The following JADE2 variants were observed in gnomAD, a reference collection of about 807,000 sequenced individuals.
JADE2 encodes E3 ubiquitin-protein ligase Jade-2.
In JADE2, 13 loss-of-function variants were observed where a neutral mutation model predicts 85.7. The ratio of observed to expected loss-of-function variants is 0.15; its 90% confidence interval spans 0.10 to 0.24. JADE2 has a LOEUF of 0.24. Ranked by LOEUF, JADE2 falls within the 10% of genes least tolerant of loss-of-function variation. The pLI, the probability that JADE2 is intolerant of heterozygous loss-of-function variation, is 1.00. For missense variants in JADE2, 846 were observed against 1,115.9 expected (o/e 0.76, Z 3.45); for synonymous variants, 440 against 456.1 (o/e 0.96, Z 0.45).
At chr5:134,542,742 T>A (rs1042606195) in intron 3 of JADE2, among the ~76,000 whole-genome samples, 1 of 147,932 alleles carries the variant, frequency 6.8e-6, no homozygotes, top group East Asian at 2.0e-4. Flanking sequence ...ATGCCTGGCC[T>A]TTTTTTTTGA....
chr5:134,562,416 G>T lies in JADE2; in HGVS notation c.852+49G>T. 1 of 1,551,982 alleles carries T rather than the reference G, an allele frequency of 6.4e-7. No homozygotes were observed. The highest frequency in any genetic ancestry group is 8.8e-7 in the Non-Finnish European group (1 of 1,136,630). ...AGCCCAAGGAATAGCCCGTGGGGAA[G>T]TGGGTCTGCATGGGACTCAGGTAGC... On this transcript the variant is annotated intron_variant, in intron 7 of 11. Coordinates refer to ENST00000681547, the MANE Select transcript of JADE2 (RefSeq NM_001388185.1). The surrounding 1 kb of genome is among the most constrained non-coding windows in gnomAD (Gnocchi z 4.6).
Position 134,571,706 on chromosome 5 carries a change from AAAAG to A in JADE2, c.1435-1935_1435-1932del, listed in dbSNP as rs1764034350. ...ACCGAGACCCCGTCTCGAAAGAAAA[AAAAG>A]AAAATCCAATCCTGGCTTCCCTTGG... On this transcript the variant is annotated intron_variant, in intron 9 of 11. Coordinates refer to ENST00000681547, the MANE Select transcript of JADE2 (RefSeq NM_001388185.1). Among the ~76,000 whole-genome samples, 3 of 152,086 alleles carry A rather than the reference AAAAG, an allele frequency of 2.0e-5. No individual in the cohort carries two copies. In the South Asian group the frequency reaches 6.2e-4, roughly 32 times the overall value.
At position 134,576,791 on chromosome 5, in the gene JADE2, G is replaced by T. The variant is rs1379939093; in HGVS notation, c.1576G>T (p.Gly526Cys). 1 of 1,550,508 alleles carries T rather than the reference G, an allele frequency of 6.4e-7. No homozygotes were observed. Among genetic ancestry groups the T allele is most frequent in the Admixed American group, 2.0e-5 (1 of 50,982 alleles). Reference protein sequence around the residue: ...CRERSGRRAKGKKSDSKRKGC... With the variant: ...CRERSGRRAKCKKSDSKRKGC... ...AGAGCGGTCTGGGAGGAGAGCAAAG[G>T]GCAAGAAGAGTGACTCGAAGAGGAA... The change falls in exon 11 of 12, where the codon GGC becomes TGC. Residue 526 changes from glycine (G) to cysteine (C), a missense_variant. This residue lies in a region of JADE2 where 119 missense variants were observed against 163.9 expected (regional missense o/e 0.73). Transcript: ENST00000681547.
intron 1 of JADE2, among the ~76,000 whole-genome samples, chr5:134,533,847 A>G (rs768779555): frequency 4.0e-5 from 6 of 151,004 alleles, no homozygotes; most frequent in Admixed American, 6.6e-5. Flanking sequence ...CCCTGACTCA[A>G]GCTATCCTCT....
intron 3 of JADE2, among the ~76,000 whole-genome samples, chr5:134,541,832 G>A (rs1761980791): frequency 6.6e-6 from 1 of 152,224 alleles, no homozygotes; most frequent in African/African-American, 2.4e-5. Context: ...CCCTAAGGGC[G>A]CAAGCCAAGG....
rs551576578 is a variant in JADE2 at position 134,572,529 on chromosome 5, C to T, written c.1435-1116C>T. On this transcript the variant is annotated intron_variant, in intron 9 of 11. Transcript: ENST00000681547. ...CCAGCTTAAGGACATGAAGGCTGAA[C>T]TCAGCCTTGAAGATGGAACCCAACG... 2.6e-5 allele frequency among the ~76,000 whole-genome samples: 4 copies of T among 152,366 alleles called. No individual in the cohort carries two copies. In the South Asian group the frequency reaches 8.3e-4, roughly 32 times the overall value.
intron 1 of JADE2, among the ~76,000 whole-genome samples, chr5:134,528,101 C>G (rs759381833): frequency 5.3e-5 from 8 of 152,100 alleles, no homozygotes; most frequent in Non-Finnish European, 8.8e-5. Flanking sequence ...GACCCCTGAG[C>G]TCTGATCCCA....
intron 4 of JADE2, among the ~76,000 whole-genome samples, chr5:134,557,648 G>A (rs202212924): frequency 0.17 from 15,509 of 93,882 alleles, 1,472 homozygotes; most frequent in East Asian, 0.34. Context: ...TTTTGTTCTT[G>A]CGATAGTTTA....
intron 1 of JADE2, among the ~76,000 whole-genome samples, chr5:134,528,297 G>A (rs1761006654): frequency 6.6e-6 from 1 of 152,168 alleles, no homozygotes; most frequent in Admixed American, 6.5e-5. Context: ...GCCTGGCTTT[G>A]TTTCCTGGGT....
intron 11 of JADE2, 157 bp downstream of exon 11, chr5:134,577,053 C>T (rs1764413605): frequency 1.7e-5 from 13 of 782,982 alleles, no homozygotes; most frequent in Non-Finnish European, 1.8e-5. Context: ...ACACACCTTC[C>T]ACCCACAAAG....
chr5:134,539,084 TG>T (rs974983005), intron 3 of JADE2, among the ~76,000 whole-genome samples: 1 of 149,298 alleles, frequency 6.7e-6, no homozygotes, highest in African/African-American at 2.5e-5. Flanking sequence ...TATTTTGAGA[TG>T]GAGTCTTGCT....
chr5:134,540,022 G>A (rs952519763), intron 3 of JADE2, among the ~76,000 whole-genome samples: 1 of 152,102 alleles, frequency 6.6e-6, no homozygotes, highest in Non-Finnish European at 1.5e-5. Flanking sequence ...GTTAAGAGAG[G>A]GGAATGCAGT....
chr5:134,545,122 C>CCAAG (rs1311020104), intron 3 of JADE2, among the ~76,000 whole-genome samples: 6 of 152,174 alleles, frequency 3.9e-5, no homozygotes, highest in Admixed American at 3.9e-4. Context: ...TGGTTTTGAG[C>CCAAG]CAAGTTTCCA....
chr5:134,527,161 C>G (rs1197390348), intron 1 of JADE2, among the ~76,000 whole-genome samples: 3 of 151,970 alleles, frequency 2.0e-5, no homozygotes, highest in African/African-American at 7.2e-5. Context: ...ATCCCCGGCC[C>G]CGCCCCGCCC....
chr5:134,526,577 T>G (rs1341479122), intron 1 of JADE2: 1 of 985,168 alleles, frequency 1.0e-6, no homozygotes, highest in East Asian at 1.1e-4. Context: ...CGCGCTGGGC[T>G]CACGTGCAGC....
chr5:134,577,487 C>T (rs553899106), intron 11 of JADE2, among the ~76,000 whole-genome samples: 1 of 152,194 alleles, frequency 6.6e-6, no homozygotes, highest in Non-Finnish European at 1.5e-5. Flanking sequence ...CAGACCTTGC[C>T]TCTGGGATGG....
At chr5:134,557,268 AT>A (rs59125974) in intron 4 of JADE2, among the ~76,000 whole-genome samples, 60,546 of 137,412 alleles carry the variant, frequency 0.44, 13,318 homozygotes, top group Middle Eastern at 0.57. Flanking sequence ...TTATTTTTTT[AT>A]TTTTTTTTTT....
chr5:134,572,234 C>T (rs748689896), intron 9 of JADE2, among the ~76,000 whole-genome samples: 33 of 152,180 alleles, frequency 2.2e-4, no homozygotes, highest in Non-Finnish European at 3.2e-4. Flanking sequence ...TAGGGATAGG[C>T]GGAGCTGAGG....
chr5:134,532,040 A>G (rs915538974), intron 1 of JADE2, among the ~76,000 whole-genome samples: 1 of 151,528 alleles, frequency 6.6e-6, no homozygotes, highest in African/African-American at 2.4e-5. Context: ...ACACGCCACC[A>G]TGCCCAGCTA....
Sources: gnomAD v4.1 joint callset for allele counts (sites outside exome capture counted in the v4.1 genomes callset) on GRCh38, gnomAD v4.1.1 for gene constraint, gnomAD v4.1.1 regional missense constraint, Gnocchi (gnomAD v3.1) non-coding constraint, MANE v1.5 for transcripts, NCBI Gene and HGNC (gene_info 2026-07-23, HGNC 2026-07-21) for gene names.